The following DGKE variants were observed in gnomAD, a reference collection of about 807,000 sequenced individuals.
The protein encoded by DGKE is DAG kinase epsilon.
A neutral mutation model predicts 70.0 loss-of-function variants in DGKE; 53 were observed. That is an observed-to-expected ratio of 0.76 (90% confidence interval 0.61 to 0.95). The LOEUF is 0.95. Among genes scored for constraint, DGKE ranks in the 40% least tolerant of loss-of-function variants. The pLI is 0.00. For synonymous variants in DGKE, 291 were observed against 257.0 expected, an observed-to-expected ratio of 1.13 and a Z score of -1.27; for missense variants, 655 against 706.9, an observed-to-expected ratio of 0.93 and a Z score of 0.83.
chr17:56,861,738 G>A (rs995677105), intron 9 of DGKE, 53 bp from the exon 10 acceptor site: 13 of 1,595,618 alleles, frequency 8.1e-6, no homozygotes, highest in African/African-American at 1.4e-5. Context: ...CTAAATGGAT[G>A]TGTGTGGAAA....
intron 8 of DGKE, among the ~76,000 whole-genome samples, chr17:56,857,568 C>T (rs12451709): frequency 2.0e-5 from 3 of 152,068 alleles, no homozygotes; most frequent in Admixed American, 6.5e-5. Flanking sequence ...TAAGGTAATA[C>T]GTATTACTAT....
Position 56,845,674 on chromosome 17 carries a change from T to C in DGKE, c.625-16T>C, listed in dbSNP as rs747704164. Reference sequence around the variant, plus strand: ...TTAAGATACTAAACCTTTTCACTCATGGCAATTTTTTTTAGCTAGCCTCTA... The same window carrying C: ...TTAAGATACTAAACCTTTTCACTCACGGCAATTTTTTTTAGCTAGCCTCTA... On this transcript the variant is annotated splice_polypyrimidine_tract_variant and intron_variant, in intron 3 of 11. Coordinates refer to ENST00000284061, the MANE Select transcript of DGKE (RefSeq NM_003647.3). 3.7e-6 allele frequency: 6 copies of C among 1,601,462 alleles called. No homozygotes were observed. The highest frequency in any genetic ancestry group is 1.8e-5 in the Admixed American group (1 of 57,090).
chr17:56,844,286 ATAAACT>A (rs1362808587), intron 3 of DGKE, 108 bp downstream of exon 3: 11 of 679,570 alleles, frequency 1.6e-5, no homozygotes, highest in Admixed American at 4.3e-5. Context: ...CAGGAATAAA[ATAAACT>A]TAAATAACAG....
chr17:56,853,367 T>A (rs1653233729), intron 7 of DGKE, among the ~76,000 whole-genome samples: 2 of 152,226 alleles, frequency 1.3e-5, no homozygotes, highest in South Asian at 4.1e-4. Flanking sequence ...ATCAAACAAA[T>A]AACTGCCCAG....
chr17:56,846,805 TTC>T (rs1442074758), intron 4 of DGKE, among the ~76,000 whole-genome samples: 1 of 152,258 alleles, frequency 6.6e-6, no homozygotes, highest in Admixed American at 6.5e-5. Context: ...AATACATCAG[TTC>T]TCTTTTTTCT....
At chr17:56,857,367 TTG>T (rs1370025459) in intron 8 of DGKE, among the ~76,000 whole-genome samples, 2 of 152,200 alleles carry the variant, frequency 1.3e-5, no homozygotes, top group African/African-American at 4.8e-5. Context: ...TGCCACAGCT[TTG>T]AACTAAGGTC....
intron 2 of DGKE, chr17:56,838,378 G>A (rs1345696677): frequency 6.6e-6 from 1 of 152,194 alleles, no homozygotes; most frequent in African/African-American, 2.4e-5. Flanking sequence ...ACTGTAAAGA[G>A]CCAAAAGAAT....
chr17:56,837,609 G>A (rs929314719), intron 2 of DGKE, among the ~76,000 whole-genome samples: 8 of 152,186 alleles, frequency 5.3e-5, no homozygotes, highest in African/African-American at 1.9e-4. Flanking sequence ...CAGGATTACA[G>A]TCTCCTGTGA....
intron 7 of DGKE, among the ~76,000 whole-genome samples, chr17:56,854,363 C>T (rs987664570): frequency 1.3e-5 from 2 of 151,900 alleles, no homozygotes; most frequent in Non-Finnish European, 2.9e-5. Flanking sequence ...TTTGACCATG[C>T]AGTGGCGTGA....
chr17:56,855,961 G>A (rs958604295), intron 7 of DGKE, among the ~76,000 whole-genome samples: 1 of 148,614 alleles, frequency 6.7e-6, no homozygotes, highest in African/African-American at 2.5e-5. Flanking sequence ...AGCCGAGATC[G>A]CGCCACTGCA....
intron 5 of DGKE, 49 bp downstream of exon 5, chr17:56,848,114 C>CTA: frequency 6.8e-6 from 6 of 876,242 alleles, no homozygotes; most frequent in East Asian, 4.9e-5. Context: ...GATAAATATA[C>CTA]TATACATATA....
intron 3 of DGKE, among the ~76,000 whole-genome samples, 178 bp downstream of exon 3, chr17:56,844,356 C>T (rs920459507): frequency 1.3e-5 from 2 of 152,124 alleles, no homozygotes; most frequent in African/African-American, 2.4e-5. Context: ...TAAAATCCTA[C>T]CTAGTTCCTA....
At chr17:56,841,743 A>C (rs549123117) in intron 2 of DGKE, among the ~76,000 whole-genome samples, 1 of 152,360 alleles carries the variant, frequency 6.6e-6, no homozygotes, top group Admixed American at 6.5e-5. Context: ...TCATTTACCC[A>C]TGTTATTTAT....
intron 2 of DGKE, among the ~76,000 whole-genome samples, chr17:56,843,053 A>G (rs1598023237): frequency 6.6e-6 from 1 of 152,208 alleles, no homozygotes; most frequent in East Asian, 1.9e-4. Flanking sequence ...CTGGACCCTC[A>G]GGAACTCTTC....
chr17:56,840,957 T>TA (rs1010653896), intron 2 of DGKE, among the ~76,000 whole-genome samples: 2 of 151,542 alleles, frequency 1.3e-5, no homozygotes, highest in African/African-American at 4.8e-5. Flanking sequence ...CACTGTCTCT[T>TA]AAAAAAAAAT....
rs1906478927 is a variant in DGKE at position 56,834,876 on chromosome 17, G to A, written c.81G>A (p.Leu27=). ...FADGHLILWT[L]CSVLLPVFIT... ...ACGGGCACCTGATCTTGTGGACGCT[G>A]TGCTCGGTCCTGCTGCCGGTGTTCA... is the stretch of plus-strand genomic sequence containing the variant. Residue 27 remains leucine (L), a synonymous_variant, in exon 2 of 12, where the codon CTG becomes CTA. Coordinates refer to ENST00000284061, the MANE Select transcript of DGKE (RefSeq NM_003647.3). 2 of 1,613,268 alleles carry A rather than the reference G, an allele frequency of 1.2e-6. No individual in the cohort carries two copies. The highest frequency in any genetic ancestry group is 1.1e-5 in the South Asian group (1 of 91,074).
rs930207619 is a variant in DGKE at position 56,848,065 on chromosome 17, G to A, written c.888G>A (p.Lys296=). The A allele has an allele frequency of 1.3e-6, 2 of 1,524,140 alleles. No individual in the cohort carries two copies. The highest frequency in any genetic ancestry group is 1.8e-6 in the Non-Finnish European group (2 of 1,136,302). The allele number at this position is 1,524,140 out of a possible 1,614,324, so 94.4% of individuals were successfully genotyped here. A position where few individuals can be genotyped will look rare whatever the true frequency, so the allele number is the denominator to read the frequency against. The change falls in exon 5 of 12, where the codon AAG becomes AAA. Residue 296 remains lysine, a splice_region_variant and synonymous_variant. Coordinates refer to ENST00000284061, the MANE Select transcript of DGKE (RefSeq NM_003647.3). ...ATGCAGTTGATGACATGAAGATTAA[G>A]GTATTAGTCTTTAAGAACTACTACA... ...VLDAVDDMKI[K]GQEKYIPQVA...
intron 2 of DGKE, among the ~76,000 whole-genome samples, chr17:56,840,291 C>T (rs1169282358): frequency 6.6e-6 from 1 of 152,074 alleles, no homozygotes; most frequent in African/African-American, 2.4e-5. Flanking sequence ...GACAAGTGCT[C>T]TTGGGGGAGG....
chr17:56,856,501 C>T lies in DGKE; in HGVS notation c.1099-11C>T. 1 of 1,610,776 alleles carries T rather than the reference C, an allele frequency of 6.2e-7. No individual in the cohort carries two copies. The highest frequency in any genetic ancestry group is 1.7e-5 in the Admixed American group (1 of 59,598). Reference sequence around the variant, plus strand: ...CCATAGTCTGTTGCTTATTCTTACCCTTTCTCACAGGAATTCACAATGAAC... The same window carrying T: ...CCATAGTCTGTTGCTTATTCTTACCTTTTCTCACAGGAATTCACAATGAAC... On this transcript the variant is annotated splice_polypyrimidine_tract_variant and intron_variant, in intron 7 of 11. Coordinates refer to ENST00000284061, the MANE Select transcript of DGKE (RefSeq NM_003647.3).
Sources: gnomAD v4.1 joint callset for allele counts (sites outside exome capture counted in the v4.1 genomes callset) on GRCh38, gnomAD v4.1.1 for gene constraint, MANE v1.5 for transcripts, NCBI Gene and HGNC (gene_info 2026-07-23, HGNC 2026-07-21) for gene names.